The following PPP1R37 variants were observed in gnomAD, a reference collection of about 807,000 sequenced individuals.
PPP1R37 encodes protein phosphatase 1 regulatory subunit 37.
Under a neutral mutation model 61.0 loss-of-function variants are expected in PPP1R37, and 21 were observed. The ratio of observed to expected loss-of-function variants is 0.34; its 90% confidence interval spans 0.24 to 0.50. PPP1R37 has a LOEUF of 0.50. Ranked by LOEUF, PPP1R37 falls within the 20% of genes least tolerant of loss-of-function variation. The pLI is 0.98. For synonymous variants in PPP1R37, 443 were observed against 433.5 expected (o/e 1.02, Z -0.27); for missense variants, 910 against 952.7 (o/e 0.96, Z 0.59).
At chr19:45,111,655 G>A (rs1968202487) in intron 1 of PPP1R37, among the ~76,000 whole-genome samples, 1 of 152,152 alleles carries the variant, frequency 6.6e-6, no homozygotes, top group South Asian at 2.1e-4. Flanking sequence ...AGACCTGTGA[G>A]CCTCCCTCCT....
rs2122699306 is a variant in PPP1R37 at position 45,093,223 on chromosome 19, G to A, written c.-103G>A. ...AGAGCGGACGGAGGCGGCGCCTGAA[G>A]CGGCGGCGGAGCCCATGCCCCGGGA... On this transcript the variant is annotated 5_prime_UTR_variant, in exon 1 of 13. Transcript: ENST00000221462. 2 of 957,034 alleles carry A rather than the reference G, an allele frequency of 2.1e-6. No homozygotes were observed. Among genetic ancestry groups the A allele is most frequent in the Middle Eastern group, 3.6e-4 (1 of 2,800 alleles). The allele number at this position is 957,034 out of a possible 1,614,324, so 59.3% of individuals were successfully genotyped here.
intron 1 of PPP1R37, chr19:45,100,353 G>A (rs1968047011): frequency 6.6e-6 from 1 of 152,182 alleles, no homozygotes; most frequent in African/African-American, 2.4e-5. Context: ...GGGCAGGTGG[G>A]TTAAATTCTT....
At position 45,146,673 on chromosome 19, in the gene PPP1R37, G is replaced by T. The variant is rs943115360; in HGVS notation, c.*111G>T. 5 of 547,414 alleles carry T rather than the reference G, an allele frequency of 9.1e-6. No individual in the cohort carries two copies. Among genetic ancestry groups the T allele is most frequent in the Non-Finnish European group, 9.9e-6 (3 of 304,372 alleles). The allele number at this position is 547,414 out of a possible 1,614,324, so 33.9% of individuals were successfully genotyped here. On this transcript the variant is annotated 3_prime_UTR_variant, in exon 13 of 13. Coordinates refer to ENST00000221462, the MANE Select transcript of PPP1R37 (RefSeq NM_019121.2). ...GAGGCCCAGGATGCCAGGGGTGGGGGCCATTCTGGGGCCCCCCTCCCCCCA... is the reference window on the plus strand; with the variant it reads ...GAGGCCCAGGATGCCAGGGGTGGGGTCCATTCTGGGGCCCCCCTCCCCCCA...
chr19:45,117,555 G>A lies in PPP1R37; in HGVS notation c.203-20959G>A, dbSNP rs574523968. Reference sequence around the variant, plus strand: ...GCTTTGGGTCTGAATGGCGGGGACTGCACAGGACGTGGGTTTTCCTTCTAC... The same window carrying A: ...GCTTTGGGTCTGAATGGCGGGGACTACACAGGACGTGGGTTTTCCTTCTAC... On this transcript the variant is annotated intron_variant, in intron 1 of 12. Coordinates refer to ENST00000221462, the MANE Select transcript of PPP1R37 (RefSeq NM_019121.2). Among the ~76,000 whole-genome samples, 33 of 152,302 alleles carry A rather than the reference G, an allele frequency of 2.2e-4. 1 individual carries two copies. The highest frequency in any genetic ancestry group is 7.9e-4 in the African/African-American group (33 of 41,564).
At chr19:45,144,822 C>A in intron 8 of PPP1R37, 32 bp from the exon 9 acceptor site, 1 of 1,501,260 alleles carries the variant, frequency 6.7e-7, no homozygotes. Flanking sequence ...CCATCACGGC[C>A]TCCTCCTCAC....
At position 45,146,418 on chromosome 19, in the gene PPP1R37, G is replaced by A. The variant is rs1192265407; in HGVS notation, c.2022G>A (p.Glu674=). The A allele has an allele frequency of 6.5e-7, 1 of 1,535,812 alleles. No individual in the cohort carries two copies. The highest frequency in any genetic ancestry group is 8.7e-7 in the Non-Finnish European group (1 of 1,146,836). ...HELSCSKNEK[E]LEELLLEASQ... ...TGAGCTGCTCCAAGAACGAGAAGGA[G>A]CTCGAGGAGCTGCTTCTGGAAGCCA... Residue 674 remains glutamate (E), a synonymous_variant, in exon 12 of 13, where the codon GAG becomes GAA. Coordinates refer to ENST00000221462, the MANE Select transcript of PPP1R37 (RefSeq NM_019121.2).
Position 45,110,176 on chromosome 19 carries a change from C to T in PPP1R37, c.202+16649C>T, listed in dbSNP as rs573249081. 3.4e-5 allele frequency among the ~76,000 whole-genome samples: 5 copies of T among 148,268 alleles called. No individual in the cohort carries two copies. In the South Asian group the frequency reaches 6.4e-4, roughly 19 times the overall value. On this transcript the variant is annotated intron_variant, in intron 1 of 12. Coordinates refer to ENST00000221462, the MANE Select transcript of PPP1R37 (RefSeq NM_019121.2). Reference sequence around the variant, plus strand: ...TGTCTCCCAGGTTGCAGTGCTGTGGCGTGGTCATGGCTCACTGCAGTCTAG... The same window carrying T: ...TGTCTCCCAGGTTGCAGTGCTGTGGTGTGGTCATGGCTCACTGCAGTCTAG...
chr19:45,128,863 CT>C lies in PPP1R37; in HGVS notation c.203-9650del, dbSNP rs547945411. ...TTGATTGGCATCCAGGAAGGTACCC[CT>C]CACTGCTCCAGGACAGCAGGGAGGT... On this transcript the variant is annotated intron_variant, in intron 1 of 12. Coordinates refer to ENST00000221462, the MANE Select transcript of PPP1R37 (RefSeq NM_019121.2). 478 of 638,024 alleles carry C rather than the reference CT, an allele frequency of 7.5e-4. No homozygotes were observed. The African/African-American group carries it at 8.1e-3, about 11-fold the overall frequency. 39.5% of individuals were successfully genotyped at this position (638,024 alleles called of 1,614,324 possible). A position where few individuals can be genotyped will look rare whatever the true frequency, so the allele number is the denominator to read the frequency against.
At chr19:45,099,801 G>A (rs973829743) in intron 1 of PPP1R37, among the ~76,000 whole-genome samples, 1 of 152,204 alleles carries the variant, frequency 6.6e-6, no homozygotes, top group Non-Finnish European at 1.5e-5. Context: ...CCCCATGGTG[G>A]GATTTACAGG....
At chr19:45,102,496 G>T (rs1341680171) in intron 1 of PPP1R37, among the ~76,000 whole-genome samples, 1 of 152,244 alleles carries the variant, frequency 6.6e-6, no homozygotes, top group African/African-American at 2.4e-5. Flanking sequence ...GTAGCTGGCT[G>T]TTGCAGGCGC....
intron 1 of PPP1R37, among the ~76,000 whole-genome samples, chr19:45,101,029 T>G (rs1306474362): frequency 6.6e-6 from 1 of 152,180 alleles, no homozygotes; most frequent in Non-Finnish European, 1.5e-5. Flanking sequence ...GTGCCACGTG[T>G]TACGAGTCAG....
At position 45,143,600 on chromosome 19, in the gene PPP1R37, G is replaced by A. The variant is rs998291173; in HGVS notation, c.954G>A (p.Thr318=). ...VTLVLWNNQL[T]HTGMAFLGMT... ...TGGTGCTGTGGAACAACCAGCTCACGCACACAGGCATGGCCTTCCTGGGCA... is the reference window on the plus strand; with the variant it reads ...TGGTGCTGTGGAACAACCAGCTCACACACACAGGCATGGCCTTCCTGGGCA... The change falls in exon 8 of 13, where the codon ACG becomes ACA. Residue 318 remains threonine, a synonymous_variant. Coordinates refer to ENST00000221462, the MANE Select transcript of PPP1R37 (RefSeq NM_019121.2). 7.2e-6 allele frequency: 11 copies of A among 1,535,506 alleles called. No individual in the cohort carries two copies. Among genetic ancestry groups the A allele is most frequent in the South Asian group, 2.4e-5 (2 of 84,056 alleles).
In PPP1R37 at chr19:45,145,554, G is replaced by T. The variant is rs868324587; in HGVS notation, c.1498G>T (p.Ala500Ser). The T allele has an allele frequency of 1.3e-6, 2 of 1,534,676 alleles. No homozygotes were observed. The highest frequency in any genetic ancestry group is 1.4e-5 in the African/African-American group (1 of 72,938). The change falls in exon 11 of 13, where the codon GCA becomes TCA. Residue 500 changes from alanine to serine, a missense_variant. Physicochemically the swap from Ala to Ser is moderately conservative, Grantham distance 99. This residue lies in a region of PPP1R37 where 549 missense variants were observed against 505.1 expected (regional missense o/e 1.09). Transcript: ENST00000221462. ...AGVQNGAPSP[A>S]PSPDSDSDSD... ...GGTGCAGAACGGGGCCCCCAGCCCC[G>T]CACCCAGCCCGGACTCAGACTCAGA...
chr19:45,128,912 C>T, intron 1 of PPP1R37: 1 of 706,090 alleles, frequency 1.4e-6, no homozygotes, highest in Non-Finnish European at 2.6e-6. Flanking sequence ...TCTTCGTCTG[C>T]CAGAGGAGAC....
chr19:45,112,741 C>T (rs1968217679), intron 1 of PPP1R37, among the ~76,000 whole-genome samples: 1 of 152,208 alleles, frequency 6.6e-6, no homozygotes, highest in Admixed American at 6.5e-5. Context: ...TGGACCAGGA[C>T]TCCTGTGTGG....
At chr19:45,138,713 G>A (rs1968569503) in intron 2 of PPP1R37, 102 bp downstream of exon 2, 2 of 698,822 alleles carry the variant, frequency 2.9e-6, no homozygotes, top group East Asian at 2.7e-5. Flanking sequence ...CCAGCCCCAG[G>A]TGTTCATGAA....
intron 1 of PPP1R37, among the ~76,000 whole-genome samples, chr19:45,135,356 C>T (rs1055789853): frequency 6.6e-6 from 1 of 152,234 alleles, no homozygotes; most frequent in South Asian, 2.1e-4. Context: ...CCAGCCTCCT[C>T]GCCCCAGCGG....
intron 7 of PPP1R37, 98 bp downstream of exon 7, chr19:45,142,556 C>A: frequency 2.4e-6 from 3 of 1,261,668 alleles, no homozygotes; most frequent in Non-Finnish European, 3.3e-6. Context: ...ATGGCCAAGA[C>A]CACCCCAACG....
intron 1 of PPP1R37, among the ~76,000 whole-genome samples, chr19:45,117,385 C>A (rs550501819): frequency 3.3e-5 from 5 of 152,136 alleles, no homozygotes; most frequent in Non-Finnish European, 5.9e-5. Flanking sequence ...GGGTGAGCCC[C>A]GGTGGAGTGC....
Sources: allele counts gnomAD v4.1 joint callset (sites outside exome capture counted in the v4.1 genomes callset), GRCh38; gene constraint gnomAD v4.1.1; regional missense constraint gnomAD v4.1.1; transcripts MANE v1.5; gene names NCBI Gene and HGNC (gene_info 2026-07-23, HGNC 2026-07-21).